TAFA1: variants seen among roughly 807,000 people sequenced by gnomAD.
TAFA1 encodes chemokine-like protein TAFA-1.
In TAFA1, 4 loss-of-function variants were observed where a neutral mutation model predicts 18.5. The observed-to-expected ratio is 0.22, with a 90% CI of 0.11 to 0.49. The LOEUF is 0.49. Ranked by LOEUF, TAFA1 falls within the 20% of genes least tolerant of loss-of-function variation. TAFA1 has a pLI of 0.98. For missense variants in TAFA1, 147 were observed against 169.0 expected (o/e 0.87, Z 0.72); for synonymous variants, 56 against 55.2 (o/e 1.01, Z -0.06).
At chr3:68,341,107 A>C (rs1407549490) in intron 2 of TAFA1, among the ~76,000 whole-genome samples, 2 of 152,202 alleles carry the variant, frequency 1.3e-5, no homozygotes, top group East Asian at 3.9e-4. Flanking sequence ...GTATCAAGAC[A>C]GGAGAATTGC....
At chr3:68,025,394 T>C (rs2106806706) in intron 2 of TAFA1, among the ~76,000 whole-genome samples, 1 of 152,294 alleles carries the variant, frequency 6.6e-6, no homozygotes, top group Middle Eastern at 3.4e-3. Context: ...TCTCTTGCTT[T>C]CACCTTTGCC....
chr3:68,320,018 T>G (rs1033654229), intron 2 of TAFA1, among the ~76,000 whole-genome samples: 2 of 152,192 alleles, frequency 1.3e-5, no homozygotes, highest in Non-Finnish European at 2.9e-5. Flanking sequence ...TATGTGCAGT[T>G]TGAGTAAATA....
chr3:68,462,434 G>C (rs2071801776), intron 3 of TAFA1, among the ~76,000 whole-genome samples: 1 of 152,096 alleles, frequency 6.6e-6, no homozygotes, highest in Non-Finnish European at 1.5e-5. Context: ...CACCATGTAA[G>C]ACGTGAATTT....
At chr3:68,391,370 G>C (rs1363252422) in intron 2 of TAFA1, among the ~76,000 whole-genome samples, 2 of 152,096 alleles carry the variant, frequency 1.3e-5, no homozygotes, top group African/African-American at 4.8e-5. Flanking sequence ...TATGTGAAAA[G>C]ACCAGACCTA....
At chr3:68,141,611 A>C (rs1204623540) in intron 2 of TAFA1, among the ~76,000 whole-genome samples, 1 of 152,154 alleles carries the variant, frequency 6.6e-6, no homozygotes, top group East Asian at 1.9e-4. Flanking sequence ...TACCTATACC[A>C]GAGTTATTGA....
At chr3:68,302,174 T>C (rs2068316997) in intron 2 of TAFA1, among the ~76,000 whole-genome samples, 1 of 152,220 alleles carries the variant, frequency 6.6e-6, no homozygotes, top group South Asian at 2.1e-4. Context: ...GCCAAAGTAA[T>C]AATTACATTA....
intron 3 of TAFA1, among the ~76,000 whole-genome samples, chr3:68,518,235 G>C (rs1027896227): frequency 5.9e-5 from 9 of 152,120 alleles, no homozygotes; most frequent in African/African-American, 9.7e-5. Context: ...TCTAAAATGA[G>C]ATAATAGTAG....
At chr3:68,000,087 TC>T (rs1704268590), upstream of TAFA1, among the ~76,000 whole-genome samples, 1 of 152,134 alleles carries the variant, frequency 6.6e-6, no homozygotes, top group Admixed American at 6.5e-5. Flanking sequence ...CCGTGCCTGG[TC>T]AAAGCTACTT....
At chr3:68,338,227 A>C (rs1032295393) in intron 2 of TAFA1, among the ~76,000 whole-genome samples, 4 of 152,156 alleles carry the variant, frequency 2.6e-5, no homozygotes, top group African/African-American at 9.7e-5. Flanking sequence ...CCTTTTTGAT[A>C]CGGTCAGTGC....
chr3:68,160,877 A>C (rs1320934848), intron 2 of TAFA1, among the ~76,000 whole-genome samples: 5 of 152,166 alleles, frequency 3.3e-5, no homozygotes, highest in Admixed American at 1.3e-4. Flanking sequence ...CCTTGCCACA[A>C]CTGGCCTTTC....
At chr3:68,451,102 T>C (rs1387651860) in intron 3 of TAFA1, among the ~76,000 whole-genome samples, 1 of 152,168 alleles carries the variant, frequency 6.6e-6, no homozygotes, top group Non-Finnish European at 1.5e-5. Context: ...CATATTGCAG[T>C]GAGTAACAAA....
chr3:68,501,154 GAAAAAAAAAAAAAA>G (rs57247656), intron 3 of TAFA1, among the ~76,000 whole-genome samples: 42 of 91,618 alleles, frequency 4.6e-4, no homozygotes, highest in Non-Finnish European at 7.8e-4. Flanking sequence ...GACCCTGTCT[GAAAAAAAAAAAAAA>G]AAAAAAAGGG....
intron 2 of TAFA1, among the ~76,000 whole-genome samples, chr3:68,308,946 G>C (rs184614817): frequency 6.6e-6 from 1 of 152,166 alleles, no homozygotes; most frequent in East Asian, 1.9e-4. Context: ...TTATCACCTT[G>C]CTTCTCCAGT....
At chr3:68,144,358 GAGCCC>G (rs1041852427) in intron 2 of TAFA1, among the ~76,000 whole-genome samples, 4 of 152,124 alleles carry the variant, frequency 2.6e-5, no homozygotes, top group African/African-American at 9.7e-5. Context: ...GAAGTATAAG[GAGCCC>G]AGCATTTGAA....
chr3:68,333,868 T>G (rs2068923873), intron 2 of TAFA1, among the ~76,000 whole-genome samples: 1 of 152,210 alleles, frequency 6.6e-6, no homozygotes, highest in Non-Finnish European at 1.5e-5. Context: ...TGGATGAACC[T>G]GGAGGATGTT....
intron 3 of TAFA1, among the ~76,000 whole-genome samples, chr3:68,420,367 A>G (rs1206133947): frequency 3.3e-5 from 5 of 152,082 alleles, no homozygotes; most frequent in Middle Eastern, 3.2e-3. Flanking sequence ...TCAAGCAACC[A>G]TTCTCCCTCA....
At chr3:68,496,018 A>T (rs1024435131) in intron 3 of TAFA1, among the ~76,000 whole-genome samples, 81 of 148,430 alleles carry the variant, frequency 5.5e-4, no homozygotes, top group African/African-American at 1.9e-3. Context: ...AAAAAAAAAA[A>T]AAAAAAAAAG....
intron 2 of TAFA1, among the ~76,000 whole-genome samples, chr3:68,413,982 C>A (rs6785673): frequency 0.39 from 59,699 of 151,766 alleles, 12,557 homozygotes; most frequent in Non-Finnish European, 0.46. Context: ...TGACCAGTGT[C>A]CATGGAGGAA....
intron 2 of TAFA1, among the ~76,000 whole-genome samples, chr3:68,031,382 A>G (rs560308477): frequency 1.3e-5 from 2 of 152,322 alleles, no homozygotes; most frequent in South Asian, 4.1e-4. Context: ...GCCAGCACTT[A>G]CAGGTGCCAA....
Sources: gnomAD v4.1 joint callset for allele counts (sites outside exome capture counted in the v4.1 genomes callset) on GRCh38, gnomAD v4.1.1 for gene constraint, MANE v1.5 for transcripts, NCBI Gene and HGNC (gene_info 2026-07-23, HGNC 2026-07-21) for gene names.